LIN7C: variants seen among roughly 807,000 people sequenced by gnomAD.
LIN7C encodes the protein lin-7 cell polarity scaffold C.
Under a neutral mutation model 24.7 loss-of-function variants are expected in LIN7C, and 17 were observed. The observed-to-expected ratio is 0.69, with a 90% confidence interval of 0.47 to 1.03. The LOEUF is 1.03. Ranked by LOEUF, LIN7C falls within the 50% of genes least tolerant of loss-of-function variation. The probability of loss-of-function intolerance (pLI) is 0.00; values close to 1 mark genes in which losing one functional copy is unlikely to be tolerated. For synonymous variants in LIN7C, 90 were observed against 83.4 expected (o/e 1.08, Z -0.43); for missense variants, 204 against 239.0 (o/e 0.85, Z 0.97).
At chr11:27,506,164 T>C (rs1446825134) in intron 1 of LIN7C, among the ~76,000 whole-genome samples, 1 of 152,170 alleles carries the variant, frequency 6.6e-6, no homozygotes, top group African/African-American at 2.4e-5. Context: ...CAAGACCAAG[T>C]CAGTAGGATT....
chr11:27,502,067 G>A (rs1372343635), intron 1 of LIN7C, 147 bp from the exon 2 acceptor site: 2 of 586,880 alleles, frequency 3.4e-6, no homozygotes, highest in East Asian at 5.4e-5. Context: ...CACATTTGGT[G>A]GGAAGGAGAC....
intron 1 of LIN7C, among the ~76,000 whole-genome samples, chr11:27,505,144 G>A (rs1203260175): frequency 2.0e-5 from 3 of 152,242 alleles, no homozygotes; most frequent in South Asian, 4.2e-4. Flanking sequence ...ACCAGCCTGG[G>A]CAACACGGTG....
chr11:27,502,077 CTGTG>C (rs1184817034), intron 1 of LIN7C, among the ~76,000 whole-genome samples, 157 bp from the exon 2 acceptor site: 2 of 152,026 alleles, frequency 1.3e-5, no homozygotes, highest in Non-Finnish European at 2.9e-5. Context: ...GGGAAGGAGA[CTGTG>C]TGTGTGTACA....
intron 1 of LIN7C, among the ~76,000 whole-genome samples, chr11:27,503,366 T>TGA (rs1479435676): frequency 1.5e-4 from 23 of 152,238 alleles, no homozygotes; most frequent in African/African-American, 5.5e-4. Flanking sequence ...CAATGCCCAG[T>TGA]ATTCTATTAT....
intron 1 of LIN7C, among the ~76,000 whole-genome samples, chr11:27,505,481 T>C (rs1565115100): frequency 1.3e-5 from 2 of 152,236 alleles, no homozygotes; most frequent in Non-Finnish European, 2.9e-5. Context: ...TGTCAGAGAC[T>C]TAGGCCTAAC....
At chr11:27,501,779 A>T (rs1364290080) in intron 2 of LIN7C, 23 bp downstream of exon 2, 3 of 1,476,382 alleles carry the variant, frequency 2.0e-6, no homozygotes, top group Non-Finnish European at 2.8e-6. Context: ...AAATTTTTGT[A>T]AATTTTAATG....
chr11:27,498,873 A>T, intron 4 of LIN7C, 69 bp from the exon 5 acceptor site: 1 of 1,323,834 alleles, frequency 7.6e-7, no homozygotes, highest in Non-Finnish European at 1.1e-6. Flanking sequence ...AAATGCAAAA[A>T]TGTTTACAAT....
rs1022668931 is a variant in LIN7C at position 27,495,964 on chromosome 11, C to G, written c.*2685G>C. The G allele has an allele frequency of 1.3e-5, 2 of 148,170 alleles. No homozygotes were observed. The highest frequency in any genetic ancestry group is 3.0e-5 in the Non-Finnish European group (2 of 67,206). The allele number at this position is 148,170 out of a possible 1,614,324, so 9.2% of individuals were successfully genotyped here. On this transcript the variant is annotated 3_prime_UTR_variant, in exon 5 of 5. Transcript: ENST00000278193. ...CCTGGGAGACAAAGCAAGATCCTGT[C>G]TCTTTTAAAACAAAAAACAAACAAA...
Position 27,498,597 on chromosome 11 carries a change from G to A in LIN7C, c.*52C>T. Reference sequence around the variant, plus strand: ...CATTGCAGCCATTAGTAAGTCACAAGGAAAACTTCTCTAGCTAAAACGCAA... The same window carrying A: ...CATTGCAGCCATTAGTAAGTCACAAAGAAAACTTCTCTAGCTAAAACGCAA... On this transcript the variant is annotated 3_prime_UTR_variant, in exon 5 of 5. Coordinates refer to ENST00000278193, the MANE Select transcript of LIN7C (RefSeq NM_018362.4). 1 of 1,554,626 alleles carries A rather than the reference G, an allele frequency of 6.4e-7. No homozygotes were observed. Among genetic ancestry groups the A allele is most frequent in the Non-Finnish European group, 8.8e-7 (1 of 1,139,492 alleles).
intron 1 of LIN7C, among the ~76,000 whole-genome samples, chr11:27,506,203 G>A (rs1865291199): frequency 6.6e-6 from 1 of 152,204 alleles, no homozygotes; most frequent in African/African-American, 2.4e-5. Context: ...CCATTTCTAG[G>A]AGGGGCACAA....
Position 27,496,419 on chromosome 11 carries a change from C to T in LIN7C, c.*2230G>A, listed in dbSNP as rs1255589007. 6.6e-6 allele frequency: 1 copy of T among 152,168 alleles called. No individual in the cohort carries two copies. The highest frequency in any genetic ancestry group is 1.5e-5 in the Non-Finnish European group (1 of 68,014). 9.4% of individuals were successfully genotyped at this position (152,168 alleles called of 1,614,324 possible). On this transcript the variant is annotated 3_prime_UTR_variant, in exon 5 of 5. Transcript: ENST00000278193. Reference sequence around the variant, plus strand: ...TCTAAGATAAAAATTCCCATCATTTCCTCACTGCACTAAACCACCACTGTA... The same window carrying T: ...TCTAAGATAAAAATTCCCATCATTTTCTCACTGCACTAAACCACCACTGTA...
intron 1 of LIN7C, among the ~76,000 whole-genome samples, chr11:27,503,993 T>G (rs1865249179): frequency 6.6e-6 from 1 of 152,038 alleles, no homozygotes; most frequent in African/African-American, 2.4e-5. Context: ...AATTTTTGTA[T>G]TTTTAGTAGA....
intron 1 of LIN7C, 85 bp downstream of exon 1, chr11:27,506,631 G>T (rs1415791311): frequency 6.7e-7 from 1 of 1,484,250 alleles, no homozygotes; most frequent in Non-Finnish European, 9.3e-7. Context: ...GGATCTCAGA[G>T]CCTGGGTCAC....
chr11:27,499,123 A>T (rs1320304391), intron 4 of LIN7C, among the ~76,000 whole-genome samples: 2 of 152,182 alleles, frequency 1.3e-5, no homozygotes. Context: ...TTCTAATTTA[A>T]TGTATTGCCT....
At chr11:27,501,961 T>A in intron 1 of LIN7C, 41 bp from the exon 2 acceptor site, 2 of 1,246,730 alleles carry the variant, frequency 1.6e-6, no homozygotes, top group Non-Finnish European at 2.4e-6. Context: ...CTCCAAGGGT[T>A]TTCTCAATGC....
chr11:27,501,930 AAC>A lies in LIN7C; in HGVS notation c.38-12_38-11del, dbSNP rs375528749. The A allele has an allele frequency of 6.7e-6, 10 of 1,488,640 alleles. No homozygotes were observed. The highest frequency in any genetic ancestry group is 2.3e-5 in the South Asian group (2 of 87,800). The allele number at this position is 1,488,640 out of a possible 1,614,324, so 92.2% of individuals were successfully genotyped here. A position where few individuals can be genotyped will look rare whatever the true frequency, so the allele number is the denominator to read the frequency against. ...ATTGCTCTACAAATATCTAGAGTTA[AAC>A]ACACACACAGATAATTTTCTCCAAG... On this transcript the variant is annotated splice_polypyrimidine_tract_variant and intron_variant, in intron 1 of 4. Transcript: ENST00000278193.
chr11:27,504,605 G>T (rs1865255249), intron 1 of LIN7C, among the ~76,000 whole-genome samples: 1 of 152,094 alleles, frequency 6.6e-6, no homozygotes, highest in African/African-American at 2.4e-5. Context: ...GGTAACAGTG[G>T]GGGATTCATT....
In LIN7C at chr11:27,499,574, AG is replaced by A; in HGVS notation, c.229-7del. ...GCAAATGCAGCAACAGTAGCCTGAA[AG>A]AAAGTTTTACATATTAAAAATATGA... is the stretch of plus-strand genomic sequence containing the variant. On this transcript the variant is annotated splice_region_variant and splice_polypyrimidine_tract_variant and intron_variant, in intron 3 of 4. Coordinates refer to ENST00000278193, the MANE Select transcript of LIN7C (RefSeq NM_018362.4). 1.2e-6 allele frequency: 2 copies of A among 1,611,674 alleles called. No individual in the cohort carries two copies. The highest frequency in any genetic ancestry group is 1.7e-6 in the Non-Finnish European group (2 of 1,178,594).
rs1176960483 is a variant in LIN7C, at chr11:27,497,146, TTTTA to T, written c.*1499_*1502del. 3 of 152,596 alleles carry T rather than the reference TTTTA, an allele frequency of 2.0e-5. No individual in the cohort carries two copies. The highest frequency in any genetic ancestry group is 4.4e-5 in the Non-Finnish European group (3 of 67,974). 9.5% of individuals were successfully genotyped at this position (152,596 alleles called of 1,614,324 possible). A position where few individuals can be genotyped will look rare whatever the true frequency, so the allele number is the denominator to read the frequency against. ...ATGATAAATAACAATGCTGATTGAC[TTTTA>T]TTTTGAAAAATCATTGAAAACTGGA... On this transcript the variant is annotated 3_prime_UTR_variant, in exon 5 of 5. Coordinates refer to ENST00000278193, the MANE Select transcript of LIN7C (RefSeq NM_018362.4).
Sources: gnomAD v4.1 joint callset for allele counts (sites outside exome capture counted in the v4.1 genomes callset) on GRCh38, gnomAD v4.1.1 for gene constraint, MANE v1.5 for transcripts, NCBI Gene and HGNC (gene_info 2026-07-23, HGNC 2026-07-21) for gene names.